The following SPSB4 variants were observed in gnomAD, a reference collection of about 807,000 sequenced individuals.
The protein encoded by SPSB4 is SPRY domain-containing SOCS box protein 4.
Under a neutral mutation model 20.9 loss-of-function variants are expected in SPSB4, and 21 were observed. The observed-to-expected ratio is 1.01, with a 90% CI of 0.71 to 1.45. The LOEUF (loss-of-function observed/expected upper bound fraction) is 1.45, where lower values mean the gene tolerates loss of function less well. Ranked by LOEUF, SPSB4 falls within the 40% of genes most tolerant of loss-of-function variation. The pLI, the probability that SPSB4 is intolerant of heterozygous loss-of-function variation, is 0.00. For missense variants in SPSB4, 399 were observed against 399.2 expected (o/e 1.00, Z 0.00); for synonymous variants, 207 against 183.8 (o/e 1.13, Z -1.02).
At chr3:141,055,209 G>T (rs533784365) in intron 1 of SPSB4, among the ~76,000 whole-genome samples, 1 of 152,026 alleles carries the variant, frequency 6.6e-6, no homozygotes, top group African/African-American at 2.4e-5. Flanking sequence ...GCAGTGGGAC[G>T]TAGGCAAGAG....
At chr3:141,141,889 A>C (rs1297807229) in intron 2 of SPSB4, among the ~76,000 whole-genome samples, 1 of 152,182 alleles carries the variant, frequency 6.6e-6, no homozygotes, top group South Asian at 2.1e-4. Context: ...ATCAGTTGTA[A>C]TATCTCCTGT....
chr3:141,066,513 G>A lies in SPSB4; in HGVS notation c.409G>A (p.Ala137Thr), dbSNP rs896174266. Residue 137 changes from alanine to threonine, a missense_variant, in exon 2 of 3, where the codon GCC (alanine) becomes ACC (threonine). Coordinates refer to ENST00000310546, the MANE Select transcript of SPSB4 (RefSeq NM_080862.3). ...VGYTALVGSD[A>T]ESWGWDLGRS... ...CTACACGGCGCTGGTAGGCAGTGACGCCGAGTCGTGGGGCTGGGACCTGGG... is the reference window on the plus strand; with the variant it reads ...CTACACGGCGCTGGTAGGCAGTGACACCGAGTCGTGGGGCTGGGACCTGGG... The A allele has an allele frequency of 6.0e-6, 9 of 1,503,280 alleles. No individual in the cohort carries two copies. Among genetic ancestry groups the A allele is most frequent in the Non-Finnish European group, 8.0e-6 (9 of 1,125,004 alleles). 93.1% of individuals were successfully genotyped at this position (1,503,280 alleles called of 1,614,324 possible). A position where few individuals can be genotyped will look rare whatever the true frequency, so the allele number is the denominator to read the frequency against.
At chr3:141,094,102 G>A (rs961688633) in intron 2 of SPSB4, among the ~76,000 whole-genome samples, 9 of 152,230 alleles carry the variant, frequency 5.9e-5, no homozygotes, top group East Asian at 3.9e-4. Context: ...TACAGCAAGC[G>A]GTTTGCAGCA....
intron 2 of SPSB4, among the ~76,000 whole-genome samples, chr3:141,090,320 C>G (rs1469283090): frequency 6.6e-6 from 1 of 152,138 alleles, no homozygotes; most frequent in East Asian, 1.9e-4. Context: ...CCTCATGAAG[C>G]TTATATTTTA....
At chr3:141,117,648 A>T (rs911031469) in intron 2 of SPSB4, among the ~76,000 whole-genome samples, 8 of 151,970 alleles carry the variant, frequency 5.3e-5, no homozygotes, top group African/African-American at 1.9e-4. Context: ...TATCCCTCCT[A>T]TAGCCCCCAT....
chr3:141,092,877 G>A (rs181391170), intron 2 of SPSB4, among the ~76,000 whole-genome samples: 3 of 152,362 alleles, frequency 2.0e-5, no homozygotes, highest in Non-Finnish European at 4.4e-5. Flanking sequence ...GCTCAGAGGG[G>A]TGAAGTGACA....
intron 2 of SPSB4, among the ~76,000 whole-genome samples, chr3:141,075,115 A>ACTCAATGCAGT (rs1938081109): frequency 1.1e-5 from 1 of 91,660 alleles, no homozygotes; most frequent in African/African-American, 1.1e-4. Context: ...GGGAGTGAGA[A>ACTCAATGCAGT]TTCAATGCAG....
chr3:141,088,899 C>A (rs1227584883), intron 2 of SPSB4, among the ~76,000 whole-genome samples: 2 of 152,180 alleles, frequency 1.3e-5, no homozygotes, highest in Admixed American at 1.3e-4. Context: ...CCCAATCTGA[C>A]CAATTTCTCA....
At chr3:141,131,556 C>A (rs1353317479) in intron 2 of SPSB4, among the ~76,000 whole-genome samples, 4 of 151,916 alleles carry the variant, frequency 2.6e-5, no homozygotes, top group African/African-American at 9.7e-5. Context: ...GCCCTAACTT[C>A]ATCACCTTGC....
In SPSB4 at chr3:141,148,327, T is replaced by G. The variant is rs905818102; in HGVS notation, c.*1058T>G. On this transcript the variant is annotated 3_prime_UTR_variant, in exon 3 of 3. Transcript: ENST00000310546. This position sits in a 1 kb window ranked among gnomAD's most constrained non-coding sequence, Gnocchi z 4.5. Reference sequence around the variant, plus strand: ...CTTGAGGTCCATGGGGGCAGCCTTGTGACTGGAAGGGTGGATATGGGAGAC... The same window carrying G: ...CTTGAGGTCCATGGGGGCAGCCTTGGGACTGGAAGGGTGGATATGGGAGAC... 6 of 152,734 alleles carry G rather than the reference T, an allele frequency of 3.9e-5. No individual in the cohort carries two copies. 9.5% of individuals were successfully genotyped at this position (152,734 alleles called of 1,614,324 possible).
At chr3:141,098,003 T>C (rs1938570461) in intron 2 of SPSB4, among the ~76,000 whole-genome samples, 2 of 152,154 alleles carry the variant, frequency 1.3e-5, no homozygotes, top group Admixed American at 1.3e-4. Flanking sequence ...ACATCTAAGG[T>C]CACATGGGCT....
chr3:141,104,372 A>G (rs544668724), intron 2 of SPSB4, among the ~76,000 whole-genome samples: 202 of 152,320 alleles, frequency 1.3e-3, no homozygotes, highest in African/African-American at 4.8e-3. Flanking sequence ...GTTTGTGGGT[A>G]GATTCCTTGA....
Position 141,066,287 on chromosome 3 carries a change from C to T in SPSB4, c.183C>T (p.Arg61=). Residue 61 remains arginine (R), a synonymous_variant, in exon 2 of 3, where the codon CGC becomes CGT. Transcript: ENST00000310546. ...QLRHAWNPED[R]SLNVFVKDDD... is the part of the protein sequence containing the mutation. ...GGCACGCGTGGAACCCCGAGGACCG[C>T]TCGCTCAACGTCTTCGTCAAGGACG... is the stretch of plus-strand genomic sequence containing the variant. The T allele has an allele frequency of 6.4e-7, 1 of 1,567,620 alleles. No individual in the cohort carries two copies. The highest frequency in any genetic ancestry group is 8.6e-7 in the Non-Finnish European group (1 of 1,157,886).
At chr3:141,062,644 T>C (rs1284310290) in intron 1 of SPSB4, among the ~76,000 whole-genome samples, 3 of 152,192 alleles carry the variant, frequency 2.0e-5, no homozygotes, top group Non-Finnish European at 4.4e-5. Flanking sequence ...TGATCTGAGT[T>C]GGGGTCAAGT....
intron 1 of SPSB4, among the ~76,000 whole-genome samples, chr3:141,056,830 G>A (rs1365016859): frequency 6.6e-6 from 1 of 152,260 alleles, no homozygotes; most frequent in Non-Finnish European, 1.5e-5. Flanking sequence ...TGGTGACCGG[G>A]CTGGCCCGGA....
At chr3:141,065,640 A>C (rs77081785) in intron 1 of SPSB4, among the ~76,000 whole-genome samples, 22 of 152,370 alleles carry the variant, frequency 1.4e-4, no homozygotes, top group Admixed American at 1.4e-3. Flanking sequence ...ATCTTGGCTC[A>C]GTCACTTATT....
chr3:141,105,063 T>C (rs999638265), intron 2 of SPSB4, among the ~76,000 whole-genome samples: 1 of 152,208 alleles, frequency 6.6e-6, no homozygotes, highest in African/African-American at 2.4e-5. Context: ...GTCAGATGAA[T>C]GAGGAGACTG....
intron 1 of SPSB4, among the ~76,000 whole-genome samples, chr3:141,062,158 G>A (rs994549129): frequency 6.6e-6 from 1 of 152,142 alleles, no homozygotes. Context: ...GACCTTGCCG[G>A]TTAGGTCAGG....
intron 1 of SPSB4, among the ~76,000 whole-genome samples, chr3:141,054,113 T>C (rs1390557594): frequency 6.6e-6 from 1 of 152,270 alleles, no homozygotes; most frequent in Non-Finnish European, 1.5e-5. Context: ...CAAGCCACAG[T>C]GGCCAGTGCA....
Sources: allele counts gnomAD v4.1 joint callset (sites outside exome capture counted in the v4.1 genomes callset), GRCh38; gene constraint gnomAD v4.1.1; non-coding constraint Gnocchi (gnomAD v3.1); transcripts MANE v1.5; gene names NCBI Gene and HGNC (gene_info 2026-07-23, HGNC 2026-07-21).